Variants in YBX2 observed in about 807,000 individuals in gnomAD.
YBX2 encodes Y-box-binding protein 2.
Under a neutral mutation model 44.4 loss-of-function variants are expected in YBX2, and 5 were observed. That is an observed-to-expected ratio of 0.11 (90% confidence interval 0.06 to 0.24). The LOEUF (loss-of-function observed/expected upper bound fraction) is 0.24, where lower values mean the gene tolerates loss of function less well. YBX2 is among the 10% of genes least tolerant of loss of function. The pLI, the probability that YBX2 is intolerant of heterozygous loss-of-function variation, is 1.00. For synonymous variants in YBX2, 188 were observed against 216.1 expected, an observed-to-expected ratio of 0.87 and a Z score of 1.14; for missense variants, 417 against 526.9, an observed-to-expected ratio of 0.79 and a Z score of 2.04.
intron 6 of YBX2, 78 bp downstream of exon 6, chr17:7,289,890 C>G: frequency 6.3e-7 from 1 of 1,596,942 alleles, no homozygotes; most frequent in Non-Finnish European, 8.6e-7. Context: ...TAGAGCTTCA[C>G]CCTTCCATCC....
At chr17:7,293,634 C>T in intron 1 of YBX2, 96 bp from the exon 2 acceptor site, 1 of 1,590,502 alleles carries the variant, frequency 6.3e-7, no homozygotes, top group Admixed American at 1.8e-5. Context: ...AAAATCTAGC[C>T]TACTGCCTTA....
At position 7,293,503 on chromosome 17, in the gene YBX2, C is replaced by G; in HGVS notation, c.307G>C (p.Val103Leu). ...QVLGTVKWFN[V>L]RNGYGFINRN... ...TTGATGAATCCGTAACCATTCCGGACGTTGAACCATTTGACAGTGCCCAGG... is the reference window on the plus strand; with the variant it reads ...TTGATGAATCCGTAACCATTCCGGAGGTTGAACCATTTGACAGTGCCCAGG... The change falls in exon 2 of 9, where the codon GTC becomes CTC. Residue 103 changes from valine to leucine, a missense_variant. Physicochemically the swap from Val to Leu is conservative, Grantham distance 32 (BLOSUM62 1). This residue lies in a region of YBX2 where 39 missense variants were observed against 123.8 expected (regional missense o/e 0.32). Transcript: ENST00000007699. 1 of 1,614,076 alleles carries G rather than the reference C, an allele frequency of 6.2e-7. No individual in the cohort carries two copies. Among genetic ancestry groups the G allele is most frequent in the Non-Finnish European group, 8.5e-7 (1 of 1,180,018 alleles).
Position 7,290,245 on chromosome 17 carries a change from C to T in YBX2, c.744+6G>A. 1 of 1,609,300 alleles carries T rather than the reference C, an allele frequency of 6.2e-7. No homozygotes were observed. Among genetic ancestry groups the T allele is most frequent in the Non-Finnish European group, 8.5e-7 (1 of 1,176,608 alleles). On this transcript the variant is annotated splice_donor_region_variant and intron_variant, in intron 5 of 8. Transcript: ENST00000007699. ...AACTGGCTCCCATATTCCAGCATCC[C>T]CTCACCTCTATAGGCTGCTGCTGGT...
intron 2 of YBX2, 163 bp downstream of exon 2, chr17:7,293,312 A>C: frequency 7.6e-7 from 1 of 1,309,656 alleles, no homozygotes; most frequent in South Asian, 1.3e-5. Flanking sequence ...TCCTCTTGTC[A>C]CGAAGCACAC....
At chr17:7,290,812 C>T (rs774522576) in intron 4 of YBX2, among the ~76,000 whole-genome samples, 1 of 152,172 alleles carries the variant, frequency 6.6e-6, no homozygotes. Flanking sequence ...ACTCCAGAGG[C>T]GGACTCGGGA....
chr17:7,292,267 G>A, intron 2 of YBX2: 1 of 605,648 alleles, frequency 1.7e-6, no homozygotes, highest in East Asian at 2.9e-5. Flanking sequence ...AAACCTCAGT[G>A]CCAAACCTGG....
chr17:7,288,911 G>T, intron 7 of YBX2, 73 bp from the exon 8 acceptor site: 1 of 1,583,548 alleles, frequency 6.3e-7, no homozygotes, highest in Non-Finnish European at 8.7e-7. Flanking sequence ...CAGGTTGGAT[G>T]GAGTACAGTG....
In YBX2 at chr17:7,294,211, G is replaced by C; in HGVS notation, c.271+19C>G. On this transcript the variant is annotated intron_variant, in intron 1 of 8. Transcript: ENST00000007699. The surrounding 1 kb of genome is among the most constrained non-coding windows in gnomAD (Gnocchi z 4.6). The stretch of plus-strand genomic sequence containing the variant: ...CCCGCCGACCCCTCAGAGCCGCCCT[G>C]TGCGCGCCTGCCCCTCACCCAGCAC... 7.9e-7 allele frequency: 1 copy of C among 1,264,382 alleles called. No homozygotes were observed. The highest frequency in any genetic ancestry group is 9.9e-7 in the Non-Finnish European group (1 of 1,009,846). The allele number at this position is 1,264,382 out of a possible 1,614,324, so 78.3% of individuals were successfully genotyped here. A position where few individuals can be genotyped will look rare whatever the true frequency, so the allele number is the denominator to read the frequency against.
At chr17:7,292,235 G>A in intron 2 of YBX2, 176 bp from the exon 3 acceptor site, 1 of 720,482 alleles carries the variant, frequency 1.4e-6, no homozygotes, top group Admixed American at 2.1e-5. Context: ...CCCAGAAGCT[G>A]GTGTAAAGAG....
intron 4 of YBX2, among the ~76,000 whole-genome samples, 162 bp downstream of exon 4, chr17:7,290,930 CT>C (rs1365185325): frequency 6.6e-6 from 1 of 152,156 alleles, no homozygotes; most frequent in African/African-American, 2.4e-5. Context: ...TAGGACATCC[CT>C]TAGCCCTAGC....
At chr17:7,292,425 T>C in intron 2 of YBX2, 1 of 285,894 alleles carries the variant, frequency 3.5e-6, no homozygotes, top group Non-Finnish European at 6.9e-6. Flanking sequence ...CAACACCCCC[T>C]CCCCCAACCC....
At position 7,291,492 on chromosome 17, in the gene YBX2, C is replaced by T; in HGVS notation, c.370-310G>A. The T allele has an allele frequency of 2.2e-6, 1 of 448,118 alleles. No homozygotes were observed. The highest frequency in any genetic ancestry group is 4.1e-6 in the Non-Finnish European group (1 of 242,052). The allele number at this position is 448,118 out of a possible 1,614,324, so 27.8% of individuals were successfully genotyped here. A position where few individuals can be genotyped will look rare whatever the true frequency, so the allele number is the denominator to read the frequency against. On this transcript the variant is annotated intron_variant, in intron 3 of 8. Coordinates refer to ENST00000007699, the MANE Select transcript of YBX2 (RefSeq NM_015982.4). This position sits in a 1 kb window ranked among gnomAD's most constrained non-coding sequence, Gnocchi z 5.8. ...CTCCAAAGCAAAAGGCAGGGACAGC[C>T]TTCAGTCGCAAAGTGGGTAGAATGC...
intron 7 of YBX2, among the ~76,000 whole-genome samples, 181 bp from the exon 8 acceptor site, chr17:7,289,019 G>A (rs770106620): frequency 7.2e-5 from 11 of 152,048 alleles, no homozygotes; most frequent in Non-Finnish European, 1.0e-4. Context: ...GTGCTACCAC[G>A]CCTGGCTAAT....
rs556424912 is a variant in YBX2, at chr17:7,289,588, C to T, written c.986G>A (p.Arg329Gln). 2.1e-5 allele frequency: 34 copies of T among 1,612,034 alleles called. No individual in the cohort carries two copies. The highest frequency in any genetic ancestry group is 2.6e-5 in the Non-Finnish European group (31 of 1,179,702). The change falls in exon 7 of 9, where the codon CGG (arginine) becomes CAG (glutamine). Residue 329 changes from arginine (R) to glutamine (Q), a missense_variant. Physicochemically the swap from Arg to Gln is conservative, Grantham distance 43. Coordinates refer to ENST00000007699, the MANE Select transcript of YBX2 (RefSeq NM_015982.4). ...CTGCTGGGGGCCAGGGGCCTGCTGC[C>T]GTCTCCGCTGGAAGTAGGGGCGGTT... ...PRNRPYFQRR[R>Q]QQAPGPQQAP...
In YBX2 at chr17:7,292,277, G is replaced by C. The variant is rs546279022; in HGVS notation, c.336-218C>G. The C allele has an allele frequency of 3.3e-5, 19 of 582,548 alleles. No individual in the cohort carries two copies. The South Asian group carries it at 3.7e-4, about 11-fold the overall frequency. 36.1% of individuals were successfully genotyped at this position (582,548 alleles called of 1,614,324 possible). Reference sequence around the variant, plus strand: ...ACCTAAAACCTCAGTGCCAAACCTGGACTTCACAAGGAAAGGGCAGGCTGG... The same window carrying C: ...ACCTAAAACCTCAGTGCCAAACCTGCACTTCACAAGGAAAGGGCAGGCTGG... On this transcript the variant is annotated intron_variant, in intron 2 of 8. Coordinates refer to ENST00000007699, the MANE Select transcript of YBX2 (RefSeq NM_015982.4).
In YBX2 at chr17:7,291,818, C is replaced by A; in HGVS notation, c.369+208G>T. On this transcript the variant is annotated intron_variant, in intron 3 of 8. Coordinates refer to ENST00000007699, the MANE Select transcript of YBX2 (RefSeq NM_015982.4). This position sits in a 1 kb window ranked among gnomAD's most constrained non-coding sequence, Gnocchi z 5.8. ...AGGTCCCGGTGGGTAGTAAGCGTGC[C>A]ATGCCCAGGGGTAACATGCTCAATT... 1.6e-6 allele frequency: 1 copy of A among 633,250 alleles called. No homozygotes were observed. 39.2% of individuals were successfully genotyped at this position (633,250 alleles called of 1,614,324 possible).
At chr17:7,293,270 C>T (rs951514078) in intron 2 of YBX2, 1 of 844,736 alleles carries the variant, frequency 1.2e-6, no homozygotes, top group Admixed American at 2.5e-5. Context: ...AATCATTAAT[C>T]CTCCGCTACC....
chr17:7,294,359 C>T lies in YBX2; in HGVS notation c.142G>A (p.Gly48Arg). The T allele has an allele frequency of 1.5e-6, 2 of 1,378,852 alleles. No individual in the cohort carries two copies. The highest frequency in any genetic ancestry group is 2.9e-5 in the Admixed American group (1 of 34,154). The allele number at this position is 1,378,852 out of a possible 1,614,324, so 85.4% of individuals were successfully genotyped here. The change falls in exon 1 of 9, where the codon GGA (glycine) becomes AGA (arginine). Residue 48 changes from glycine (G) to arginine (R), a missense_variant. This residue lies in a region of YBX2 where 121 missense variants were observed against 141.3 expected (regional missense o/e 0.86). Coordinates refer to ENST00000007699, the MANE Select transcript of YBX2 (RefSeq NM_015982.4). This position sits in a 1 kb window ranked among gnomAD's most constrained non-coding sequence, Gnocchi z 4.6. Reference sequence around the variant, plus strand: ...CCAGCAGCGGGGCCCGAGGCGGCTCCGCCCCCGCCGCCCGCCCCGCCGCCT... The same window carrying T: ...CCAGCAGCGGGGCCCGAGGCGGCTCTGCCCCCGCCGCCCGCCCCGCCGCCT... ...QKGGGAGGGG[G>R]AASGPAAGTP...
At chr17:7,293,323 A>G in intron 2 of YBX2, 152 bp downstream of exon 2, 1 of 1,397,660 alleles carries the variant, frequency 7.2e-7, no homozygotes, top group Admixed American at 2.0e-5. Context: ...CGAAGCACAC[A>G]TTTGTGCTGC....
Sources: allele counts gnomAD v4.1 joint callset (sites outside exome capture counted in the v4.1 genomes callset), GRCh38; gene constraint gnomAD v4.1.1; regional missense constraint gnomAD v4.1.1; non-coding constraint Gnocchi (gnomAD v3.1); transcripts MANE v1.5; gene names NCBI Gene and HGNC (gene_info 2026-07-23, HGNC 2026-07-21).